Variants in DMD observed in about 807,000 individuals in gnomAD.
DMD encodes the protein mutant dystrophin.
In DMD, 63 loss-of-function variants were observed where a neutral mutation model predicts 330.1. That is an observed-to-expected ratio of 0.19 (90% CI 0.16 to 0.24). DMD has a LOEUF of 0.24. DMD is among the 10% of genes least tolerant of loss of function. DMD has a pLI of 1.00. For missense variants in DMD, 3,344 were observed against 2,684.1 expected (o/e 1.25, Z -5.43); for synonymous variants, 1,223 against 959.8 (o/e 1.27, Z -5.07).
chrX:31,250,227 T>C (rs1040243410), intron 63 of DMD, among the ~76,000 whole-genome samples: 13 of 111,849 alleles, frequency 1.2e-4, no homozygotes, highest in Non-Finnish European at 2.4e-4. Context: ...TTTAAACTTA[T>C]CACATTATAT....
chrX:31,548,391 G>A (rs1159684037), intron 55 of DMD, among the ~76,000 whole-genome samples: 1 of 110,591 alleles, frequency 9.0e-6, no homozygotes, highest in Non-Finnish European at 1.9e-5. Flanking sequence ...CTTTTCTTCT[G>A]GTCATGATTC....
chrX:31,264,811 T>C (rs190142950), intron 62 of DMD, among the ~76,000 whole-genome samples: 8 of 112,431 alleles, frequency 7.1e-5, no homozygotes, highest in South Asian at 7.5e-4. Flanking sequence ...CAATTTAAAT[T>C]TTCTCTCACC....
chrX:32,742,390 G>A (rs935721568), intron 7 of DMD, among the ~76,000 whole-genome samples: 1 of 111,821 alleles, frequency 8.9e-6, no homozygotes, highest in African/African-American at 3.3e-5. Flanking sequence ...ATGAGAACAA[G>A]GAATCAGACA....
At chrX:33,006,045 T>C (rs2093389374) in intron 2 of DMD, among the ~76,000 whole-genome samples, 1 of 111,166 alleles carries the variant, frequency 9.0e-6, no homozygotes, top group Admixed American at 9.6e-5. Flanking sequence ...ATCTAAAAAA[T>C]ATACAAGATC....
chrX:33,222,573 A>G (rs2052202866), intron 1 of DMD, among the ~76,000 whole-genome samples: 1 of 112,384 alleles, frequency 8.9e-6, no homozygotes, highest in Non-Finnish European at 1.9e-5. Flanking sequence ...AAATCAATCC[A>G]TACAGATGGG....
intron 44 of DMD, among the ~76,000 whole-genome samples, chrX:32,049,974 T>C (rs1410113398): frequency 8.9e-6 from 1 of 112,011 alleles, no homozygotes; most frequent in Non-Finnish European, 1.9e-5. Flanking sequence ...CATTTCTCTA[T>C]AAATTATCTC....
At chrX:31,258,747 G>C (rs2050214886) in intron 63 of DMD, among the ~76,000 whole-genome samples, 1 of 111,709 alleles carries the variant, frequency 9.0e-6, no homozygotes. Context: ...CACATCTAAA[G>C]TATGGAGAAA....
intron 45 of DMD, among the ~76,000 whole-genome samples, chrX:31,933,980 A>G: frequency 9.2e-6 from 1 of 109,257 alleles, no homozygotes. Context: ...TTTGCTTCAA[A>G]TTAACAAATG....
chrX:32,893,499 G>A (rs1035389162), intron 2 of DMD, among the ~76,000 whole-genome samples: 2 of 111,885 alleles, frequency 1.8e-5, no homozygotes, highest in African/African-American at 6.5e-5. Context: ...CTCTCAGGAT[G>A]TGAAAGTGAC....
chrX:32,819,421 A>G (rs888380741), intron 5 of DMD, among the ~76,000 whole-genome samples: 1 of 111,228 alleles, frequency 9.0e-6, no homozygotes, highest in Non-Finnish European at 1.9e-5. Flanking sequence ...TGTTATTACA[A>G]CCAGCTGGTT....
intron 1 of DMD, among the ~76,000 whole-genome samples, chrX:33,117,804 C>CGT (rs1386617833): frequency 3.6e-5 from 4 of 111,458 alleles, no homozygotes; most frequent in African/African-American, 9.8e-5. Context: ...AATCTGGTAC[C>CGT]ATACGCTAAT....
intron 11 of DMD, among the ~76,000 whole-genome samples, chrX:32,616,688 T>TC (rs1420135550): frequency 1.1e-5 from 1 of 88,450 alleles, no homozygotes; most frequent in African/African-American, 4.9e-5. Context: ...GTGTTCTGGT[T>TC]CCTTTTTTTT....
chrX:31,179,085 T>C (rs768117074), intron 69 of DMD, among the ~76,000 whole-genome samples: 8 of 112,250 alleles, frequency 7.1e-5, no homozygotes, highest in African/African-American at 2.6e-4. Context: ...CATACAAGCT[T>C]ACTAGGCTAC....
rs780417808 is a variant in DMD, at chrX:32,093,997, A to G, written c.6438+122919T>C. Among the ~76,000 whole-genome samples the G allele has an allele frequency of 5.9e-4, 66 of 111,505 alleles. 1 individual carries two copies. The highest frequency in any genetic ancestry group is 1.1e-3 in the Non-Finnish European group (56 of 52,969). ...ATTATTTTAAGAAATGTAAAAAGGA[A>G]CCACAATGGTTCTTTGCTCATTAAC... On this transcript the variant is annotated intron_variant, in intron 44 of 78. Transcript: ENST00000357033.
intron 1 of DMD, among the ~76,000 whole-genome samples, chrX:33,167,596 T>C (rs1269834320): frequency 9.0e-6 from 1 of 111,137 alleles, no homozygotes; most frequent in East Asian, 2.8e-4. Context: ...AAGTATATAA[T>C]GAAAAACTGT....
intron 41 of DMD, among the ~76,000 whole-genome samples, chrX:32,332,714 G>A (rs1359166007): frequency 2.7e-5 from 3 of 110,205 alleles, no homozygotes; most frequent in Admixed American, 9.8e-5. Flanking sequence ...GAAGAGTTTT[G>A]GATTTCACTT....
intron 9 of DMD, among the ~76,000 whole-genome samples, chrX:32,685,186 T>G (rs923968459): frequency 9.0e-6 from 1 of 111,491 alleles, no homozygotes; most frequent in African/African-American, 3.3e-5. Flanking sequence ...AGGTACCAAA[T>G]AGTTAAAATG....
intron 41 of DMD, among the ~76,000 whole-genome samples, chrX:32,330,582 T>G (rs768591098): frequency 1.9e-4 from 21 of 112,023 alleles, no homozygotes; most frequent in Non-Finnish European, 3.6e-4. Flanking sequence ...TGGAGAAAAT[T>G]ACACTTTATA....
intron 1 of DMD, among the ~76,000 whole-genome samples, chrX:33,162,762 T>G (rs922245356): frequency 1.8e-5 from 2 of 111,442 alleles, no homozygotes; most frequent in Non-Finnish European, 3.8e-5. Flanking sequence ...ATGCTGTTTT[T>G]TTTTTTAGCA....
Sources: gnomAD v4.1 joint callset for allele counts (sites outside exome capture counted in the v4.1 genomes callset) on GRCh38, gnomAD v4.1.1 for gene constraint, MANE v1.5 for transcripts, NCBI Gene and HGNC (gene_info 2026-07-23, HGNC 2026-07-21) for gene names.